SGPP2: variants seen among roughly 807,000 people sequenced by gnomAD.
SGPP2 encodes the protein sphingosine-1-phosphate phosphatase 2.
A neutral mutation model predicts 33.9 loss-of-function variants in SGPP2; 30 were observed. The observed-to-expected ratio is 0.89, with a 90% CI of 0.66 to 1.20. The LOEUF is 1.20. Among genes scored for constraint, SGPP2 ranks in the 50% most tolerant of loss-of-function variants. The pLI, the probability that SGPP2 is intolerant of heterozygous loss-of-function variation, is 0.00. For missense variants in SGPP2, 458 were observed against 532.1 expected, an observed-to-expected ratio of 0.86 and a Z score of 1.37; for synonymous variants, 233 against 225.0, an observed-to-expected ratio of 1.04 and a Z score of -0.32.
At chr2:222,525,184 C>A in intron 4 of SGPP2, 151 bp downstream of exon 4, 1 of 606,876 alleles carries the variant, frequency 1.6e-6, no homozygotes, top group Non-Finnish European at 2.9e-6. Context: ...TTATTATGTT[C>A]GGGTGCATGT....
rs572624297 is a variant in SGPP2, at chr2:222,549,863, TTTTTC to T, written c.649-8464_649-8460del. On this transcript the variant is annotated intron_variant, in intron 4 of 4. Coordinates refer to ENST00000321276, the MANE Select transcript of SGPP2 (RefSeq NM_152386.4). ...AAGGCTGGAAACACATCTTGTATGCTTTTTCTTTTCTTTTCTTTTCTTTTTTTTTT... is the reference window on the plus strand; with the variant it reads ...AAGGCTGGAAACACATCTTGTATGCTTTTTCTTTTCTTTTCTTTTTTTTTT... Among the ~76,000 whole-genome samples, 325 of 151,622 alleles carry T rather than the reference TTTTTC, an allele frequency of 2.1e-3. 1 individual carries two copies. The highest frequency in any genetic ancestry group is 0.017 in the Middle Eastern group (5 of 294).
At chr2:222,426,077 G>T (rs1028500002) in intron 1 of SGPP2, among the ~76,000 whole-genome samples, 2 of 151,584 alleles carry the variant, frequency 1.3e-5, no homozygotes, top group Non-Finnish European at 2.9e-5. Flanking sequence ...AAATCAGCTG[G>T]GCGTGGTGGT....
chr2:222,549,252 T>C (rs1689251817), intron 4 of SGPP2, among the ~76,000 whole-genome samples: 1 of 152,252 alleles, frequency 6.6e-6, no homozygotes, highest in Non-Finnish European at 1.5e-5. Context: ...TCTCCCTTTC[T>C]TTCTCACTAG....
At chr2:222,516,854 G>A (rs976023673) in intron 2 of SGPP2, among the ~76,000 whole-genome samples, 5 of 152,282 alleles carry the variant, frequency 3.3e-5, no homozygotes, top group African/African-American at 7.2e-5. Context: ...CACTTTCTAC[G>A]TGCCAGGTAC....
At chr2:222,518,932 G>C (rs1165271079) in intron 2 of SGPP2, among the ~76,000 whole-genome samples, 3 of 152,110 alleles carry the variant, frequency 2.0e-5, no homozygotes, top group Non-Finnish European at 4.4e-5. Flanking sequence ...GGAATTAACC[G>C]GCAACTCAAG....
rs1384704601 is a variant in SGPP2 at position 222,558,552 on chromosome 2, C to A, written c.854C>A (p.Ala285Asp). The change falls in exon 5 of 5, where the codon GCT becomes GAT. Residue 285 changes from alanine (A) to aspartate (D), a missense_variant. Physicochemically the swap from Ala to Asp is moderately radical, Grantham distance 126 (BLOSUM62 -2). Coordinates refer to ENST00000321276, the MANE Select transcript of SGPP2 (RefSeq NM_152386.4). ...ADTTTILAAG[A>D]GVTIGFWINH... ...ACCACCACCATTCTGGCTGCCGGGG[C>A]TGGAGTGACCATAGGATTCTGGATC... is the stretch of plus-strand genomic sequence containing the variant. The A allele has an allele frequency of 1.2e-6, 2 of 1,614,170 alleles. No homozygotes were observed. The highest frequency in any genetic ancestry group is 1.6e-4 in the Middle Eastern group (1 of 6,062).
intron 1 of SGPP2, chr2:222,452,835 T>G (rs1697513363): frequency 6.2e-7 from 1 of 1,607,212 alleles, no homozygotes; most frequent in African/African-American, 1.3e-5. Context: ...CTGCGGCCAG[T>G]TGTTTTTCTG....
chr2:222,425,528 C>G (rs1697051959), intron 1 of SGPP2, among the ~76,000 whole-genome samples: 1 of 152,182 alleles, frequency 6.6e-6, no homozygotes, highest in Non-Finnish European at 1.5e-5. Flanking sequence ...CGTGGTTATA[C>G]AACCCACTGC....
chr2:222,467,951 A>G (rs998633453), intron 1 of SGPP2, among the ~76,000 whole-genome samples: 1 of 60,842 alleles, frequency 1.6e-5, no homozygotes, highest in Non-Finnish European at 2.8e-5. Flanking sequence ...CTCTAATCTG[A>G]AAAAAAAAAA....
chr2:222,524,247 A>G (rs759147590), intron 3 of SGPP2, among the ~76,000 whole-genome samples: 2 of 152,262 alleles, frequency 1.3e-5, no homozygotes, highest in Non-Finnish European at 2.9e-5. Flanking sequence ...TAATACAGAC[A>G]GTGCCCTATT....
chr2:222,482,980 C>A (rs1698051670), intron 2 of SGPP2, among the ~76,000 whole-genome samples: 1 of 152,090 alleles, frequency 6.6e-6, no homozygotes, highest in African/African-American at 2.4e-5. Flanking sequence ...CTTGTGATGT[C>A]ATGACTCTTC....
chr2:222,519,596 A>T (rs1038689450), intron 2 of SGPP2, among the ~76,000 whole-genome samples: 2 of 152,232 alleles, frequency 1.3e-5, no homozygotes, highest in African/African-American at 4.8e-5. Flanking sequence ...TGGGGGATAT[A>T]TGCGCAGGTT....
intron 1 of SGPP2, among the ~76,000 whole-genome samples, chr2:222,463,360 G>A (rs1254006489): frequency 6.6e-6 from 1 of 152,182 alleles, no homozygotes. Flanking sequence ...GCTGAGCACA[G>A]TAGCCTATAA....
At chr2:222,526,679 T>A (rs1440481827) in intron 4 of SGPP2, among the ~76,000 whole-genome samples, 1 of 152,218 alleles carries the variant, frequency 6.6e-6, no homozygotes. Flanking sequence ...CATGGAATAC[T>A]ATGCAGCCAT....
chr2:222,559,138 G>A lies in SGPP2; in HGVS notation c.*240G>A, dbSNP rs888136368. 5 of 299,976 alleles carry A rather than the reference G, an allele frequency of 1.7e-5. No individual in the cohort carries two copies. Among genetic ancestry groups the A allele is most frequent in the South Asian group, 1.4e-4 (2 of 14,452 alleles). The allele number at this position is 299,976 out of a possible 1,614,324, so 18.6% of individuals were successfully genotyped here. The stretch of plus-strand genomic sequence containing the variant: ...GAACCCAGGCTAAAGACCATAATCC[G>A]GATCTTTAAAGGCACACACCGCGCC... On this transcript the variant is annotated 3_prime_UTR_variant, in exon 5 of 5. Transcript: ENST00000321276.
chr2:222,546,420 CT>C (rs1372954138), intron 4 of SGPP2, among the ~76,000 whole-genome samples: 3 of 152,198 alleles, frequency 2.0e-5, no homozygotes, highest in Admixed American at 2.0e-4. Flanking sequence ...GTCACAATCT[CT>C]GTAAGTGAGA....
chr2:222,444,661 C>T (rs1697373502), intron 1 of SGPP2, among the ~76,000 whole-genome samples: 2 of 152,162 alleles, frequency 1.3e-5, no homozygotes, highest in African/African-American at 4.8e-5. Flanking sequence ...TTCTCAGAGT[C>T]CTTGATTCCC....
chr2:222,534,562 T>A (rs1698885966), intron 4 of SGPP2, among the ~76,000 whole-genome samples: 1 of 152,220 alleles, frequency 6.6e-6, no homozygotes, highest in Non-Finnish European at 1.5e-5. Context: ...GTGTTCTGGC[T>A]TTGGACTAGA....
At chr2:222,485,262 A>G (rs1698087503) in intron 2 of SGPP2, among the ~76,000 whole-genome samples, 1 of 152,224 alleles carries the variant, frequency 6.6e-6, no homozygotes, top group African/African-American at 2.4e-5. Flanking sequence ...TTAGCATTAC[A>G]GTCTCATTTG....
Sources: gnomAD v4.1 joint callset for allele counts (sites outside exome capture counted in the v4.1 genomes callset) on GRCh38, gnomAD v4.1.1 for gene constraint, MANE v1.5 for transcripts, NCBI Gene and HGNC (gene_info 2026-07-23, HGNC 2026-07-21) for gene names.